CDH18: variants seen among roughly 807,000 people sequenced by gnomAD.
CDH18 encodes cadherin-18.
A neutral mutation model predicts 67.9 loss-of-function variants in CDH18; 31 were observed. The observed-to-expected ratio is 0.46, with a 90% confidence interval of 0.34 to 0.62. The LOEUF is 0.62. CDH18 is among the 20% of genes least tolerant of loss of function. The pLI is 0.01. For synonymous variants in CDH18, 362 were observed against 347.2 expected (o/e 1.04, Z -0.48); for missense variants, 890 against 975.5 (o/e 0.91, Z 1.17).
At chr5:20,166,321 A>G (rs935634870) in intron 2 of CDH18, among the ~76,000 whole-genome samples, 53 of 151,358 alleles carry the variant, frequency 3.5e-4, no homozygotes, top group African/African-American at 1.3e-3. Context: ...GGCACCTGTA[A>G]TCTCAGCTGC....
chr5:19,759,452 TG>T (rs1772052126), intron 3 of CDH18, among the ~76,000 whole-genome samples: 1 of 152,146 alleles, frequency 6.6e-6, no homozygotes, highest in Non-Finnish European at 1.5e-5. Flanking sequence ...GGAGGTAATG[TG>T]GGGGTTCTGC....
chr5:19,665,444 G>GAC (rs1477126214), intron 5 of CDH18, among the ~76,000 whole-genome samples: 1 of 152,024 alleles, frequency 6.6e-6, no homozygotes, highest in Non-Finnish European at 1.5e-5. Flanking sequence ...AAAACTGAAA[G>GAC]ACAACTGGTA....
At chr5:20,214,056 A>C (rs1004804733) in intron 2 of CDH18, among the ~76,000 whole-genome samples, 3 of 152,140 alleles carry the variant, frequency 2.0e-5, no homozygotes, top group Non-Finnish European at 2.9e-5. Context: ...AGTCAAGCCA[A>C]GAGCCAAATC....
At chr5:20,420,911 G>A (rs979940618) in intron 1 of CDH18, among the ~76,000 whole-genome samples, 10 of 150,968 alleles carry the variant, frequency 6.6e-5, no homozygotes, top group South Asian at 2.1e-4. Flanking sequence ...GCTTTTTCAC[G>A]AAAACTGAAA....
intron 7 of CDH18, among the ~76,000 whole-genome samples, chr5:19,580,599 ATACT>A (rs1246805858): frequency 6.6e-6 from 1 of 151,898 alleles, no homozygotes; most frequent in Non-Finnish European, 1.5e-5. Context: ...TTGAAATATA[ATACT>A]TAACACCGAC....
chr5:19,972,982 A>C (rs1298350751), intron 2 of CDH18, among the ~76,000 whole-genome samples: 1 of 152,016 alleles, frequency 6.6e-6, no homozygotes, highest in African/African-American at 2.4e-5. Context: ...ATAGTCAATA[A>C]TATTAATTAA....
At chr5:20,173,765 T>G (rs1234967784) in intron 2 of CDH18, among the ~76,000 whole-genome samples, 1 of 152,200 alleles carries the variant, frequency 6.6e-6, no homozygotes, top group Non-Finnish European at 1.5e-5. Flanking sequence ...ATGTAATAAA[T>G]TTAAAATAAA....
At chr5:19,660,133 T>C (rs1756959561) in intron 5 of CDH18, among the ~76,000 whole-genome samples, 1 of 152,144 alleles carries the variant, frequency 6.6e-6, no homozygotes, top group Non-Finnish European at 1.5e-5. Flanking sequence ...ACTGTTTCAG[T>C]TTCTATAAGT....
Position 19,593,707 on chromosome 5 carries a change from C to CCTCCTTCTTCTT in CDH18, c.812-2464_812-2463insAAGAAGAAGGAG. On this transcript the variant is annotated intron_variant, in intron 6 of 12. Coordinates refer to ENST00000382275, the MANE Select transcript of CDH18 (RefSeq NM_004934.5). ...TCCTTCTCTTCCTCTTCCTCCTCCT[C>CCTCCTTCTTCTT]CTTCTTCTTCTTCTTCTTCTTCTTC... Among the ~76,000 whole-genome samples the CCTCCTTCTTCTT allele has an allele frequency of 8.4e-3, 280 of 33,366 alleles. 4 individuals are homozygous for CCTCCTTCTTCTT. Among genetic ancestry groups the CCTCCTTCTTCTT allele is most frequent in the African/African-American group, 0.029 (252 of 8,588 alleles). 21.9% of individuals were successfully genotyped at this position (33,366 alleles called of 152,430 possible).
chr5:19,860,767 G>A lies in CDH18; in HGVS notation c.-256-21525C>T, dbSNP rs550667708. On this transcript the variant is annotated intron_variant, in intron 2 of 12. Transcript: ENST00000382275. ...AATTACCATTAAACATGATTCTTGC[G>A]GAAAGAGATACTGAAAAAAAGTGAA... Among the ~76,000 whole-genome samples, 89 of 151,710 alleles carry A rather than the reference G, an allele frequency of 5.9e-4. 1 individual carries two copies. In the South Asian group the frequency reaches 8.1e-3, roughly 14 times the overall value.
At chr5:19,994,905 G>C (rs1735880169) in intron 2 of CDH18, among the ~76,000 whole-genome samples, 1 of 139,250 alleles carries the variant, frequency 7.2e-6, no homozygotes, top group South Asian at 2.3e-4. Flanking sequence ...TAGAGAAAAA[G>C]CTCATGCAAT....
At chr5:19,867,494 G>A (rs1785687894) in intron 2 of CDH18, among the ~76,000 whole-genome samples, 2 of 152,094 alleles carry the variant, frequency 1.3e-5, no homozygotes, top group Non-Finnish European at 2.9e-5. Flanking sequence ...AGTGGCATTT[G>A]CTACATACTT....
intron 1 of CDH18, among the ~76,000 whole-genome samples, chr5:20,428,569 A>T (rs1009342359): frequency 2.6e-5 from 4 of 152,202 alleles, no homozygotes; most frequent in Non-Finnish European, 5.9e-5. Flanking sequence ...CACAGTGTAA[A>T]AGGGTTCCTA....
At chr5:20,131,874 GT>G (rs575222776) in intron 2 of CDH18, among the ~76,000 whole-genome samples, 13 of 150,708 alleles carry the variant, frequency 8.6e-5, no homozygotes, top group African/African-American at 1.7e-4. Context: ...ACAATAAAGT[GT>G]TTTTTTTTGT....
chr5:19,919,031 A>G (rs1376940134), intron 2 of CDH18, among the ~76,000 whole-genome samples: 1 of 152,092 alleles, frequency 6.6e-6, no homozygotes, highest in Admixed American at 6.6e-5. Flanking sequence ...GTGACTGGAG[A>G]TTGAGTAAAT....
Position 20,334,749 on chromosome 5 carries a change from CTCAT to C in CDH18, c.-579-79248_-579-79245del, listed in dbSNP as rs879371764. Among the ~76,000 whole-genome samples the C allele has an allele frequency of 9.8e-3, 1,153 of 118,238 alleles. 57 individuals carry two copies. In the East Asian group the frequency reaches 0.19, roughly 20 times the overall value. 77.6% of individuals were successfully genotyped at this position (118,238 alleles called of 152,430 possible). ...CTATGATCTCTCTCTCTCTCTCTCT[CTCAT>C]ACACACACACACACACACACACACA... On this transcript the variant is annotated intron_variant, in intron 1 of 14. Coordinates refer to the CDH18 transcript ENST00000507958.
chr5:19,535,222 G>A (rs1749231004), intron 9 of CDH18, among the ~76,000 whole-genome samples: 1 of 152,148 alleles, frequency 6.6e-6, no homozygotes, highest in African/African-American at 2.4e-5. Context: ...ATACATATAT[G>A]TATACACAAT....
intron 2 of CDH18, among the ~76,000 whole-genome samples, chr5:20,218,503 T>C (rs964968618): frequency 6.6e-6 from 1 of 151,970 alleles, no homozygotes; most frequent in Non-Finnish European, 1.5e-5. Context: ...AAAACCTATG[T>C]GATACCTTAA....
intron 8 of CDH18, among the ~76,000 whole-genome samples, chr5:19,553,078 T>C (rs1056196563): frequency 1.9e-4 from 29 of 152,192 alleles, no homozygotes; most frequent in African/African-American, 6.5e-4. Flanking sequence ...ATCTCAATAA[T>C]GATTACCTTT....
Sources: gnomAD v4.1 joint callset for allele counts (sites outside exome capture counted in the v4.1 genomes callset) on GRCh38, gnomAD v4.1.1 for gene constraint, MANE v1.5 for transcripts, NCBI Gene and HGNC (gene_info 2026-07-23, HGNC 2026-07-21) for gene names.